The following REEP2 variants were observed in gnomAD, a reference collection of about 807,000 sequenced individuals.
REEP2 encodes the protein receptor accessory protein 2, also known as receptor expression-enhancing protein 2.
A neutral mutation model predicts 32.1 loss-of-function variants in REEP2; 9 were observed. The observed-to-expected ratio is 0.28, with a 90% CI of 0.17 to 0.49. REEP2 has a LOEUF of 0.49. Ranked by LOEUF, REEP2 falls within the 20% of genes least tolerant of loss-of-function variation. The probability of loss-of-function intolerance (pLI) is 0.99; values close to 1 mark genes in which losing one functional copy is unlikely to be tolerated. For synonymous variants in REEP2, 128 were observed against 139.1 expected, an observed-to-expected ratio of 0.92 and a Z score of 0.56; for missense variants, 236 against 338.0, an observed-to-expected ratio of 0.70 and a Z score of 2.37.
rs1763821050 is a variant in REEP2, at chr5:138,441,349, C to G, written c.106-36C>G. On this transcript the variant is annotated intron_variant, in intron 2 of 7. Transcript: ENST00000378339. The surrounding 1 kb of genome is among the most constrained non-coding windows in gnomAD (Gnocchi z 4.4). Reference sequence around the variant, plus strand: ...TCCTGGGTGTCCCTGGCCCCTCAGCCCCGTGCCCCAGCCAGCGCTTCCCTC... The same window carrying G: ...TCCTGGGTGTCCCTGGCCCCTCAGCGCCGTGCCCCAGCCAGCGCTTCCCTC... 6.3e-7 allele frequency: 1 copy of G among 1,593,826 alleles called. No individual in the cohort carries two copies. The highest frequency in any genetic ancestry group is 2.2e-5 in the East Asian group (1 of 44,788).
chr5:138,444,617 C>T (rs1763889112), intron 4 of REEP2, 82 bp downstream of exon 4: 2 of 1,582,888 alleles, frequency 1.3e-6, no homozygotes, highest in East Asian at 2.2e-5. Context: ...CAGACTGGCC[C>T]TCCCTGTGGG....
intron 1 of REEP2, 66 bp from the exon 2 acceptor site, chr5:138,440,950 C>A (rs545925211): frequency 1.9e-6 from 3 of 1,603,528 alleles, no homozygotes; most frequent in South Asian, 1.1e-5. Flanking sequence ...GGGGCTGATG[C>A]GGAGCTGGGA....
chr5:138,442,874 A>T (rs1580977463), intron 3 of REEP2, among the ~76,000 whole-genome samples: 1 of 151,820 alleles, frequency 6.6e-6, no homozygotes, highest in East Asian at 1.9e-4. Context: ...AAAAAAAAAA[A>T]AAATAGCTAG....
In REEP2 at chr5:138,446,011, C is replaced by T. The variant is rs955683106; in HGVS notation, c.*260C>T. ...GCCACCCAAGGAGGTGGGGACTGCT[C>T]GGCCTCCACCGCTGTTCCGCTGCAG... is the stretch of plus-strand genomic sequence containing the variant. On this transcript the variant is annotated 3_prime_UTR_variant, in exon 8 of 8. Coordinates refer to ENST00000378339, the MANE Select transcript of REEP2 (RefSeq NM_001271803.2). The T allele has an allele frequency of 7.9e-6, 4 of 508,578 alleles. No individual in the cohort carries two copies. Among genetic ancestry groups the T allele is most frequent in the Admixed American group, 3.6e-5 (1 of 27,762 alleles). 31.5% of individuals were successfully genotyped at this position (508,578 alleles called of 1,614,324 possible).
chr5:138,445,209 T>A lies in REEP2; in HGVS notation c.418-19T>A, dbSNP rs1561807469. ...CGCCCCTTCCCCCCGGCTCTCCCGG[T>A]GCGTGGTGGTGACCCTAGGGCCAGG... On this transcript the variant is annotated intron_variant, in intron 5 of 7. Coordinates refer to ENST00000378339, the MANE Select transcript of REEP2 (RefSeq NM_001271803.2). The A allele has an allele frequency of 6.4e-7, 1 of 1,571,274 alleles. No individual in the cohort carries two copies. Among genetic ancestry groups the A allele is most frequent in the South Asian group, 1.2e-5 (1 of 84,426 alleles).
rs563152738 is a variant in REEP2 at position 138,441,770 on chromosome 5, CA to C, written c.182+319del. Among the ~76,000 whole-genome samples the C allele has an allele frequency of 2.2e-4, 33 of 147,908 alleles. No homozygotes were observed. Among genetic ancestry groups the C allele is most frequent in the Middle Eastern group, 3.4e-3 (1 of 290 alleles). On this transcript the variant is annotated intron_variant, in intron 3 of 7. Transcript: ENST00000378339. This position sits in a 1 kb window ranked among gnomAD's most constrained non-coding sequence, Gnocchi z 4.4. ...TGAAACCCCGTCTCCACTAAAAATA[CA>C]AAAAAAAAATAGCTGGGCATGGTGG...
intron 4 of REEP2, 27 bp from the exon 5 acceptor site, chr5:138,444,727 C>A (rs1198790721): frequency 1.2e-6 from 2 of 1,604,742 alleles, no homozygotes; most frequent in South Asian, 2.2e-5. Context: ...GACCTCTCCT[C>A]TTCTCCCTTC....
In REEP2 at chr5:138,445,725, A is replaced by G. The variant is rs752209038; in HGVS notation, c.739A>G (p.Thr247Ala). The G allele has an allele frequency of 1.3e-5, 21 of 1,613,744 alleles. No homozygotes were observed. The African/African-American group carries it at 2.5e-4, about 20-fold the overall frequency. The change falls in exon 8 of 8, where the codon ACC becomes GCC. Residue 247 changes from threonine (T) to alanine (A), a missense_variant. By Grantham distance (58) the Thr-to-Ala change is moderately conservative. Coordinates refer to ENST00000378339, the MANE Select transcript of REEP2 (RefSeq NM_001271803.2). ...KTLKTRPKKKTSGGGDSA is the reference protein window; with the variant it reads ...KTLKTRPKKKASGGGDSA ...ACTGAAGACCCGGCCCAAGAAGAAGACCTCTGGCGGGGGCGACTCAGCTTG... is the reference window on the plus strand; with the variant it reads ...ACTGAAGACCCGGCCCAAGAAGAAGGCCTCTGGCGGGGGCGACTCAGCTTG...
intron 1 of REEP2, among the ~76,000 whole-genome samples, chr5:138,440,158 TGCCCCTC>T (rs1763795453): frequency 1.3e-5 from 2 of 152,196 alleles, no homozygotes; most frequent in Admixed American, 6.5e-5. Context: ...ATGAGGACAC[TGCCCCTC>T]GGCCTCCACC....
intron 4 of REEP2, 101 bp downstream of exon 4, chr5:138,444,636 C>T: frequency 6.4e-7 from 1 of 1,568,942 alleles, no homozygotes; most frequent in Non-Finnish European, 8.7e-7. Context: ...GGGCCCAGAG[C>T]CCAAAGTGAC....
In REEP2 at chr5:138,445,669, C is replaced by T; in HGVS notation, c.697-14C>T. The T allele has an allele frequency of 1.2e-6, 2 of 1,614,168 alleles. No homozygotes were observed. Among genetic ancestry groups the T allele is most frequent in the Non-Finnish European group, 1.7e-6 (2 of 1,180,016 alleles). On this transcript the variant is annotated splice_polypyrimidine_tract_variant and intron_variant, in intron 7 of 7. Transcript: ENST00000378339. ...GCTCCAGGCTGAGCCCCATCTTCCT[C>T]CTTCTTTCCACAGCCACTGGCTTCC...
chr5:138,441,264 C>A lies in REEP2; in HGVS notation c.106-121C>A. On this transcript the variant is annotated intron_variant, in intron 2 of 7. Transcript: ENST00000378339. This position sits in a 1 kb window ranked among gnomAD's most constrained non-coding sequence, Gnocchi z 4.4. ...CAGCGCCTCCAACATGGCTGGCAGG[C>A]AGAAGTGGGGTCCTTGGTGTTCTCC... 7.9e-7 allele frequency: 1 copy of A among 1,266,952 alleles called. No individual in the cohort carries two copies. The highest frequency in any genetic ancestry group is 2.0e-4 in the Middle Eastern group (1 of 5,122). 78.5% of individuals were successfully genotyped at this position (1,266,952 alleles called of 1,614,324 possible).
intron 5 of REEP2, 151 bp from the exon 6 acceptor site, chr5:138,445,077 C>A: frequency 1.0e-6 from 1 of 964,482 alleles, no homozygotes; most frequent in Non-Finnish European, 1.5e-6. Flanking sequence ...AAGTGTGGCC[C>A]TGCCCCAGCC....
chr5:138,440,028 G>C (rs1763792829), intron 1 of REEP2, among the ~76,000 whole-genome samples: 1 of 152,210 alleles, frequency 6.6e-6, no homozygotes, highest in African/African-American at 2.4e-5. Context: ...CACTCCACTT[G>C]CACCAGCCGG....
chr5:138,445,400 G>T (rs779373239), intron 6 of REEP2, 25 bp downstream of exon 6: 65 of 1,612,396 alleles, frequency 4.0e-5, no homozygotes, highest in Non-Finnish European at 5.3e-5. Flanking sequence ...CGGGGTTGGG[G>T]TGGGGCCCCA....
intron 1 of REEP2, among the ~76,000 whole-genome samples, chr5:138,440,237 C>T (rs144056253): frequency 6.6e-6 from 1 of 152,212 alleles, no homozygotes; most frequent in Non-Finnish European, 1.5e-5. Context: ...ACAGCCGGGC[C>T]GGCCAAGTGC....
intron 1 of REEP2, among the ~76,000 whole-genome samples, chr5:138,440,285 C>G (rs1429485612): frequency 6.6e-6 from 1 of 152,262 alleles, no homozygotes; most frequent in African/African-American, 2.4e-5. Context: ...TCTCTTCCCC[C>G]ACCCATCCCA....
chr5:138,445,607 A>C lies in REEP2; in HGVS notation c.696+9A>C, dbSNP rs1202237308. 11 of 1,614,080 alleles carry C rather than the reference A, an allele frequency of 6.8e-6. No homozygotes were observed. Among genetic ancestry groups the C allele is most frequent in the Middle Eastern group, 1.6e-4 (1 of 6,084 alleles). On this transcript the variant is annotated intron_variant, in intron 7 of 7. Transcript: ENST00000378339. ...AAGCGCCCAAAGCTGAGGTGAGGGC[A>C]CTGGCCAGAGCTTGGGGAAACAGGC...
chr5:138,445,488 C>T lies in REEP2; in HGVS notation c.586C>T (p.Leu196=), dbSNP rs202230663. 3 of 1,614,164 alleles carry T rather than the reference C, an allele frequency of 1.9e-6. No homozygotes were observed. The African/African-American group carries it at 4.0e-5, about 22-fold the overall frequency. Residue 196 remains leucine (L), a synonymous_variant, in exon 7 of 8, where the codon CTA becomes TTA. Coordinates refer to ENST00000378339, the MANE Select transcript of REEP2 (RefSeq NM_001271803.2). ...EDLGDDPALS[L]RSSTNPADSR... ...CCCAGGAGATGACCCTGCCCTGAGTCTAAGGTCCAGCACAAACCCGGCAGA... is the reference window on the plus strand; with the variant it reads ...CCCAGGAGATGACCCTGCCCTGAGTTTAAGGTCCAGCACAAACCCGGCAGA...
Sources: gnomAD v4.1 joint callset for allele counts (sites outside exome capture counted in the v4.1 genomes callset) on GRCh38, gnomAD v4.1.1 for gene constraint, Gnocchi (gnomAD v3.1) non-coding constraint, MANE v1.5 for transcripts, NCBI Gene and HGNC (gene_info 2026-07-23, HGNC 2026-07-21) for gene names.